Variants in NRP1 observed in about 807,000 individuals in gnomAD.
NRP1 encodes the protein neuropilin 1.
Under a neutral mutation model 106.7 loss-of-function variants are expected in NRP1, and 35 were observed. The ratio of observed to expected loss-of-function variants is 0.33; its 90% CI spans 0.25 to 0.43. The LOEUF (loss-of-function observed/expected upper bound fraction) is 0.43, where lower values mean the gene tolerates loss of function less well. NRP1 is among the 20% of genes least tolerant of loss of function. The pLI is 1.00. For synonymous variants in NRP1, 437 were observed against 417.9 expected, an observed-to-expected ratio of 1.05 and a Z score of -0.56; for missense variants, 1,024 against 1,170.4, an observed-to-expected ratio of 0.87 and a Z score of 1.83.
chr10:33,189,836 G>A (rs1344327679), intron 13 of NRP1, among the ~76,000 whole-genome samples: 4 of 152,174 alleles, frequency 2.6e-5, no homozygotes, highest in Non-Finnish European at 5.9e-5. Context: ...CAGTCTATGC[G>A]CGGGAGCTTC....
chr10:33,322,400 TAG>T, intron 2 of NRP1, among the ~76,000 whole-genome samples: 1 of 152,144 alleles, frequency 6.6e-6, no homozygotes, highest in African/African-American at 2.4e-5. Flanking sequence ...AACTGAAGGA[TAG>T]AGTCTCGCTC....
intron 2 of NRP1, among the ~76,000 whole-genome samples, chr10:33,283,071 C>T (rs1439765965): frequency 6.6e-6 from 1 of 152,134 alleles, no homozygotes; most frequent in Admixed American, 6.5e-5. Flanking sequence ...TGGGCACTAA[C>T]CTAAGTAAAA....
chr10:33,239,422 G>A (rs1301719674), intron 6 of NRP1, among the ~76,000 whole-genome samples: 1 of 152,196 alleles, frequency 6.6e-6, no homozygotes, highest in Non-Finnish European at 1.5e-5. Flanking sequence ...TTGCCGGCAA[G>A]ATCTGAAACT....
At chr10:33,290,238 G>T (rs955093676) in intron 2 of NRP1, among the ~76,000 whole-genome samples, 2 of 151,670 alleles carry the variant, frequency 1.3e-5, no homozygotes, top group African/African-American at 4.8e-5. Flanking sequence ...GTCTACAGAA[G>T]ATTAATTTAC....
intron 11 of NRP1, chr10:33,202,615 T>A (rs1360621395): frequency 4.6e-6 from 7 of 1,509,366 alleles, no homozygotes; most frequent in African/African-American, 1.4e-5. Context: ...TTAGTACATT[T>A]AGCCATGGGG....
At chr10:33,244,257 A>G (rs1387779285) in intron 6 of NRP1, among the ~76,000 whole-genome samples, 1 of 152,142 alleles carries the variant, frequency 6.6e-6, no homozygotes, top group African/African-American at 2.4e-5. Context: ...TACGATATGA[A>G]AGTATTTAAA....
intron 12 of NRP1, among the ~76,000 whole-genome samples, chr10:33,195,809 A>C (rs1038217526): frequency 3.9e-5 from 6 of 152,216 alleles, no homozygotes; most frequent in African/African-American, 1.2e-4. Flanking sequence ...ATGGAGAAAC[A>C]GGAAAGCAAG....
At chr10:33,231,670 C>G (rs1840143104) in intron 6 of NRP1, among the ~76,000 whole-genome samples, 1 of 152,106 alleles carries the variant, frequency 6.6e-6, no homozygotes, top group Non-Finnish European at 1.5e-5. Context: ...ATATAAAGAG[C>G]AGTAAGAGTG....
rs1844384399 is a variant in NRP1 at position 33,284,652 on chromosome 10, T to G, written c.249-13796A>C. On this transcript the variant is annotated intron_variant, in intron 2 of 16. Coordinates refer to ENST00000374867, the MANE Select transcript of NRP1 (RefSeq NM_003873.7). The stretch of plus-strand genomic sequence containing the variant: ...TCTAATCTATTGTGTTTACTCCCTT[T>G]TTCTTATTAGTCTTATAAAATGCTT... Among the ~76,000 whole-genome samples the G allele has an allele frequency of 2.6e-5, 4 of 152,362 alleles. No individual in the cohort carries two copies. In the South Asian group the frequency reaches 8.3e-4, roughly 32 times the overall value.
intron 11 of NRP1, among the ~76,000 whole-genome samples, chr10:33,200,769 C>A (rs1837240204): frequency 6.6e-6 from 1 of 152,138 alleles, no homozygotes; most frequent in African/African-American, 2.4e-5. Flanking sequence ...TTGCCTCTTG[C>A]AAACAATGGC....
intron 6 of NRP1, among the ~76,000 whole-genome samples, chr10:33,242,144 TC>T (rs60126255): frequency 0.075 from 11,455 of 151,962 alleles, 1,346 homozygotes; most frequent in African/African-American, 0.26. Flanking sequence ...CTCCTTTTAC[TC>T]CCCCCAGAAG....
chr10:33,225,198 G>T (rs564559185), intron 7 of NRP1, among the ~76,000 whole-genome samples: 1 of 152,166 alleles, frequency 6.6e-6, no homozygotes, highest in Admixed American at 6.6e-5. Context: ...CTGTCCGAGA[G>T]TGGGGGTTTC....
chr10:33,229,657 T>C (rs954497997), intron 6 of NRP1, among the ~76,000 whole-genome samples: 80 of 152,246 alleles, frequency 5.3e-4, no homozygotes, highest in Middle Eastern at 3.4e-3. Flanking sequence ...ATTTAATTAC[T>C]AAGTAGGAAA....
chr10:33,263,580 G>A, intron 4 of NRP1, 66 bp downstream of exon 4: 1 of 1,222,014 alleles, frequency 8.2e-7, no homozygotes, highest in Middle Eastern at 1.9e-4. Context: ...CATGAGACTT[G>A]TAAAAGAATA....
At chr10:33,199,525 G>C (rs1366755199) in intron 11 of NRP1, among the ~76,000 whole-genome samples, 1 of 148,664 alleles carries the variant, frequency 6.7e-6, no homozygotes, top group Admixed American at 6.8e-5. Context: ...TTACAGGTGT[G>C]AGCCACCATG....
At chr10:33,237,637 C>T (rs969137851) in intron 6 of NRP1, among the ~76,000 whole-genome samples, 11 of 137,028 alleles carry the variant, frequency 8.0e-5, no homozygotes, top group Non-Finnish European at 1.1e-4. Flanking sequence ...TGGAGTGCAA[C>T]GGTGGATCTC....
chr10:33,327,716 T>A (rs962146189), intron 2 of NRP1, among the ~76,000 whole-genome samples: 1 of 152,166 alleles, frequency 6.6e-6, no homozygotes, highest in African/African-American at 2.4e-5. Context: ...ATCTGTGGAT[T>A]CTTCTCAAAG....
intron 10 of NRP1, chr10:33,206,240 C>T (rs765757126): frequency 5.8e-6 from 3 of 519,038 alleles, no homozygotes; most frequent in Admixed American, 1.9e-5. Context: ...CACATTTCTC[C>T]GTGAATTGAA....
rs537429984 is a variant in NRP1 at position 33,282,824 on chromosome 10, C to T, written c.249-11968G>A. 1.4e-3 allele frequency among the ~76,000 whole-genome samples: 206 copies of T among 152,092 alleles called. 1 individual carries two copies. Among genetic ancestry groups the T allele is most frequent in the African/African-American group, 4.8e-3 (199 of 41,484 alleles). On this transcript the variant is annotated intron_variant, in intron 2 of 16. Transcript: ENST00000374867. ...GCAGTGGCACGATCTTGGCTCACTG[C>T]GACCTCTATCTCTTGGGTTAAAGCA...
Sources: gnomAD v4.1 joint callset for allele counts (sites outside exome capture counted in the v4.1 genomes callset) on GRCh38, gnomAD v4.1.1 for gene constraint, MANE v1.5 for transcripts, NCBI Gene and HGNC (gene_info 2026-07-23, HGNC 2026-07-21) for gene names.